TYW1: variants seen among roughly 807,000 people sequenced by gnomAD.
The protein encoded by TYW1 is S-adenosyl-L-methionine-dependent tRNA 4-demethylwyosine synthase TYW1.
Under a neutral mutation model 96.2 loss-of-function variants are expected in TYW1, and 46 were observed. The observed-to-expected ratio is 0.48, with a 90% CI of 0.38 to 0.61. The LOEUF is 0.61. TYW1 is among the 20% of genes least tolerant of loss of function. TYW1 has a pLI of 0.00. For synonymous variants in TYW1, 274 were observed against 323.0 expected, an observed-to-expected ratio of 0.85 and a Z score of 1.63; for missense variants, 684 against 909.6, an observed-to-expected ratio of 0.75 and a Z score of 3.19.
rs1420926476 is a variant in TYW1, at chr7:67,008,075, A to G, written c.274-1508A>G. 3.3e-5 allele frequency among the ~76,000 whole-genome samples: 5 copies of G among 152,122 alleles called. 1 individual carries two copies. Among genetic ancestry groups the G allele is most frequent in the African/African-American group, 1.2e-4 (5 of 41,404 alleles). On this transcript the variant is annotated intron_variant, in intron 3 of 15. Coordinates refer to ENST00000359626, the MANE Select transcript of TYW1 (RefSeq NM_018264.4). Reference sequence around the variant, plus strand: ...CTGCACCACTGCCTCCTCAGGTTCTATAGGATGACTCACAGACCTCAGGAA... The same window carrying G: ...CTGCACCACTGCCTCCTCAGGTTCTGTAGGATGACTCACAGACCTCAGGAA...
At chr7:67,035,085 T>A (rs949928018) in intron 7 of TYW1, among the ~76,000 whole-genome samples, 4 of 152,076 alleles carry the variant, frequency 2.6e-5, no homozygotes, top group Admixed American at 2.6e-4. Context: ...TCATTTGCAT[T>A]TTTTCTTTCT....
At chr7:67,072,716 C>A (rs1215797151) in intron 10 of TYW1, among the ~76,000 whole-genome samples, 1 of 151,992 alleles carries the variant, frequency 6.6e-6, no homozygotes, top group Non-Finnish European at 1.5e-5. Flanking sequence ...TCTGTACATA[C>A]TTCAACTGAC....
At chr7:67,042,756 G>A (rs1026568842) in intron 7 of TYW1, among the ~76,000 whole-genome samples, 16 of 152,060 alleles carry the variant, frequency 1.1e-4, no homozygotes, top group African/African-American at 3.9e-4. Context: ...CAGAGCTTTG[G>A]GAGGCTGAGG....
intron 13 of TYW1, among the ~76,000 whole-genome samples, chr7:67,167,297 G>A (rs879814483): frequency 2.6e-5 from 4 of 151,796 alleles, no homozygotes; most frequent in Admixed American, 6.6e-5. Context: ...GTGAAACCGC[G>A]TCTCTACTAA....
chr7:67,027,914 A>G (rs1794506290), intron 7 of TYW1, among the ~76,000 whole-genome samples: 2 of 136,980 alleles, frequency 1.5e-5, no homozygotes, highest in Admixed American at 1.6e-4. Flanking sequence ...TGGGTGACAG[A>G]GCGAGACTCC....
intron 7 of TYW1, among the ~76,000 whole-genome samples, chr7:67,032,902 T>G (rs1328921855): frequency 6.9e-5 from 9 of 130,978 alleles, no homozygotes; most frequent in Non-Finnish European, 9.7e-5. Context: ...TTTTTTTTTT[T>G]TTTTTTTTTT....
chr7:67,095,964 G>A (rs1796897552), intron 11 of TYW1, among the ~76,000 whole-genome samples: 1 of 152,200 alleles, frequency 6.6e-6, no homozygotes, highest in Non-Finnish European at 1.5e-5. Flanking sequence ...GGTGGTAATA[G>A]CAAATCGTTA....
chr7:67,059,276 T>C (rs1254602449), intron 9 of TYW1, among the ~76,000 whole-genome samples: 1 of 151,604 alleles, frequency 6.6e-6, no homozygotes, highest in Admixed American at 6.6e-5. Context: ...ATTTTTTTTT[T>C]GTATTTTTAG....
chr7:67,026,527 A>G (rs184915313), intron 7 of TYW1, among the ~76,000 whole-genome samples: 123 of 152,284 alleles, frequency 8.1e-4, no homozygotes, highest in African/African-American at 2.8e-3. Flanking sequence ...AGTTCTCTTA[A>G]TATATAAGTT....
chr7:67,051,509 T>C (rs1392198887), intron 8 of TYW1, among the ~76,000 whole-genome samples: 1 of 152,076 alleles, frequency 6.6e-6, no homozygotes, highest in Non-Finnish European at 1.5e-5. Context: ...TTTATTATTA[T>C]TTTTTTCTTC....
intron 7 of TYW1, among the ~76,000 whole-genome samples, chr7:67,040,942 T>C (rs944413209): frequency 2.0e-5 from 3 of 152,214 alleles, no homozygotes; most frequent in East Asian, 1.9e-4. Flanking sequence ...TTTCATCTTA[T>C]GGCCATTAGA....
At chr7:67,109,273 C>CAAAAAAAAAAAAA (rs1203625487) in intron 12 of TYW1, among the ~76,000 whole-genome samples, 2 of 49,100 alleles carry the variant, frequency 4.1e-5, no homozygotes, top group East Asian at 4.7e-4. Context: ...GACTCCGTCT[C>CAAAAAAAAAAAAA]AAAAAAAAAA....
chr7:67,000,257 ATGC>A (rs1793337925), intron 3 of TYW1, among the ~76,000 whole-genome samples: 1 of 151,624 alleles, frequency 6.6e-6, no homozygotes, highest in Non-Finnish European at 1.5e-5. Context: ...TTATATCTAG[ATGC>A]TACCTGTTTC....
chr7:67,101,254 T>G (rs1357123021), intron 12 of TYW1, among the ~76,000 whole-genome samples: 1 of 152,112 alleles, frequency 6.6e-6, no homozygotes, highest in Non-Finnish European at 1.5e-5. Flanking sequence ...GACTTTTCCC[T>G]TACCTCCCTC....
intron 13 of TYW1, among the ~76,000 whole-genome samples, chr7:67,149,068 T>C (rs1220768920): frequency 6.6e-6 from 1 of 152,152 alleles, no homozygotes; most frequent in Non-Finnish European, 1.5e-5. Context: ...GTAGATTTCA[T>C]CCTCCTTAAT....
intron 13 of TYW1, among the ~76,000 whole-genome samples, chr7:67,152,261 T>G (rs1798825931): frequency 6.6e-6 from 1 of 152,156 alleles, no homozygotes; most frequent in South Asian, 2.1e-4. Context: ...GACCCCTGGA[T>G]TAGACTCACC....
intron 12 of TYW1, among the ~76,000 whole-genome samples, chr7:67,109,273 C>CAAA (rs1203625487): frequency 2.2e-3 from 106 of 48,814 alleles, no homozygotes; most frequent in East Asian, 7.7e-3. Context: ...GACTCCGTCT[C>CAAA]AAAAAAAAAA....
intron 14 of TYW1, among the ~76,000 whole-genome samples, chr7:67,193,724 A>G (rs185177731): frequency 1.1e-4 from 16 of 149,962 alleles, no homozygotes; most frequent in Non-Finnish European, 2.2e-4. Context: ...AGGCCACTGC[A>G]CTCCAGCCTG....
intron 15 of TYW1, among the ~76,000 whole-genome samples, chr7:67,202,899 G>A (rs1800647675): frequency 1.3e-5 from 2 of 152,166 alleles, no homozygotes; most frequent in African/African-American, 4.8e-5. Flanking sequence ...CCTTCATGTA[G>A]TTTTCCCCAG....
Sources: gnomAD v4.1 joint callset for allele counts (sites outside exome capture counted in the v4.1 genomes callset) on GRCh38, gnomAD v4.1.1 for gene constraint, MANE v1.5 for transcripts, NCBI Gene and HGNC (gene_info 2026-07-23, HGNC 2026-07-21) for gene names.